Variants in RAB3GAP1 observed in about 807,000 individuals in gnomAD.
RAB3GAP1 encodes RAB3 GTPase activating protein catalytic subunit 1.
RAB3GAP1 carries 86 observed loss-of-function variants against 130.7 expected under a neutral mutation model. The ratio of observed to expected loss-of-function variants is 0.66; its 90% confidence interval spans 0.55 to 0.79. RAB3GAP1 has a LOEUF of 0.79. Ranked by LOEUF, RAB3GAP1 falls within the 30% of genes least tolerant of loss-of-function variation. RAB3GAP1 has a pLI of 0.00. For missense variants in RAB3GAP1, 1,029 were observed against 1,169.4 expected (o/e 0.88, Z 1.75); for synonymous variants, 367 against 401.7 (o/e 0.91, Z 1.03).
Position 135,135,577 on chromosome 2 carries a change from G to T in RAB3GAP1, c.1568G>T (p.Cys523Phe). The T allele has an allele frequency of 6.2e-7, 1 of 1,601,064 alleles. No individual in the cohort carries two copies. The highest frequency in any genetic ancestry group is 8.5e-7 in the Non-Finnish European group (1 of 1,171,148). ...LHQKLQMLNC[C>F]IERKKARDEG... ...TCTTTTCTTAAGATGTTAAATTGTT[G>T]TATTGAAAGAAAGAAGGCACGTGAT... Residue 523 changes from cysteine to phenylalanine, a missense_variant, in exon 17 of 24, where the codon TGT (cysteine) becomes TTT (phenylalanine). Around this residue, in one of 3 missense-constraint regions of RAB3GAP1, gnomAD observed 373 missense variants for 493.6 expected, o/e 0.76. Transcript: ENST00000264158.
chr2:135,075,867 G>GA (rs1419674101), intron 3 of RAB3GAP1, among the ~76,000 whole-genome samples: 1 of 149,536 alleles, frequency 6.7e-6, no homozygotes, highest in African/African-American at 2.5e-5. Context: ...ATCTCCTTGT[G>GA]AATAGTCTTG....
intron 11 of RAB3GAP1, among the ~76,000 whole-genome samples, chr2:135,128,391 G>C (rs902327000): frequency 6.6e-6 from 1 of 152,126 alleles, no homozygotes; most frequent in Non-Finnish European, 1.5e-5. Context: ...AGGGTTATTG[G>C]GAGGATCAAA....
chr2:135,078,692 G>C (rs191610180), intron 3 of RAB3GAP1, among the ~76,000 whole-genome samples: 2,545 of 26,378 alleles, frequency 0.096, 201 homozygotes, highest in African/African-American at 0.31. Context: ...CCCCTCCCCT[G>C]CCCTCCCCTC....
intron 17 of RAB3GAP1, among the ~76,000 whole-genome samples, chr2:135,139,203 C>T (rs1035762864): frequency 6.6e-6 from 1 of 151,986 alleles, no homozygotes; most frequent in Non-Finnish European, 1.5e-5. Context: ...AACATATGTT[C>T]ATGTATTTAC....
chr2:135,111,530 G>T (rs924566137), intron 5 of RAB3GAP1, among the ~76,000 whole-genome samples: 2 of 152,172 alleles, frequency 1.3e-5, no homozygotes, highest in Non-Finnish European at 2.9e-5. Flanking sequence ...AAGAACACAA[G>T]AATTCTTTAA....
chr2:135,168,591 C>T lies in RAB3GAP1; in HGVS notation c.2756C>T (p.Ser919Phe), dbSNP rs1394663112. ...GAGGAGGAATTGAAGAGAATGGGCT[C>T]CCCAGAGGAAAGAAGGCAGAACTCC... ...PPEEELKRMGSPEERRQNSVS... is the reference protein window; with the variant it reads ...PPEEELKRMGFPEERRQNSVS... Residue 919 changes from serine (S) to phenylalanine (F), a missense_variant, in exon 24 of 24, where the codon TCC (serine) becomes TTC (phenylalanine). By Grantham distance (155) the Ser-to-Phe change is radical. This residue lies in a region of RAB3GAP1 where 146 missense variants were observed against 143.7 expected (regional missense o/e 1.02). Coordinates refer to ENST00000264158, the MANE Select transcript of RAB3GAP1 (RefSeq NM_012233.3). 1.9e-6 allele frequency: 3 copies of T among 1,614,028 alleles called. No homozygotes were observed. The highest frequency in any genetic ancestry group is 1.3e-5 in the African/African-American group (1 of 74,902).
rs1692513938 is a variant in RAB3GAP1, at chr2:135,163,036, GT to G, written c.2542del (p.Ser848HisfsTer2). On this transcript the variant is annotated frameshift_variant, in exon 22 of 24. Coordinates refer to ENST00000264158, the MANE Select transcript of RAB3GAP1 (RefSeq NM_012233.3). LOFTEE classifies it high-confidence loss of function. ...NVEALIARAR[S>X]LKAKFGTEKC... Reference sequence around the variant, plus strand: ...TGGAAGCTCTCATTGCCAGAGCTCGGTCACTAAAAGCCAAGTTTGGAACTGA... The same window carrying G: ...TGGAAGCTCTCATTGCCAGAGCTCGGCACTAAAAGCCAAGTTTGGAACTGA... 1 of 1,614,084 alleles carries G rather than the reference GT, an allele frequency of 6.2e-7. No homozygotes were observed. Among genetic ancestry groups the G allele is most frequent in the Non-Finnish European group, 8.5e-7 (1 of 1,179,960 alleles).
chr2:135,140,450 A>T (rs1349484406), intron 17 of RAB3GAP1, among the ~76,000 whole-genome samples: 1 of 152,316 alleles, frequency 6.6e-6, no homozygotes, highest in South Asian at 2.1e-4. Context: ...TTCTAGGAAG[A>T]CTCATAAGAC....
chr2:135,126,448 G>A, intron 10 of RAB3GAP1, 135 bp from the exon 11 acceptor site: 1 of 965,284 alleles, frequency 1.0e-6, no homozygotes, highest in Non-Finnish European at 1.6e-6. Flanking sequence ...CCATGTATCT[G>A]GATAAGAGTA....
intron 3 of RAB3GAP1, among the ~76,000 whole-genome samples, chr2:135,074,501 G>C (rs899514936): frequency 6.6e-6 from 1 of 152,210 alleles, no homozygotes; most frequent in Admixed American, 6.5e-5. Flanking sequence ...ACTCTTACCC[G>C]ATTGGGTGGC....
intron 17 of RAB3GAP1, among the ~76,000 whole-genome samples, chr2:135,143,550 A>G (rs187871747): frequency 3.5e-4 from 51 of 147,198 alleles, no homozygotes; most frequent in African/African-American, 1.2e-3. Context: ...CTTCTGTAAC[A>G]TGCTACTTTT....
At chr2:135,101,321 A>G (rs1332152520) in intron 5 of RAB3GAP1, among the ~76,000 whole-genome samples, 1 of 152,216 alleles carries the variant, frequency 6.6e-6, no homozygotes, top group Non-Finnish European at 1.5e-5. Flanking sequence ...CTAAACATTT[A>G]TTTAAATTTG....
chr2:135,126,911 G>A (rs1165883867), intron 11 of RAB3GAP1, among the ~76,000 whole-genome samples: 1 of 151,870 alleles, frequency 6.6e-6, no homozygotes, highest in Non-Finnish European at 1.5e-5. Flanking sequence ...TTGAGACGGA[G>A]TCTCTGTCAG....
intron 9 of RAB3GAP1, among the ~76,000 whole-genome samples, chr2:135,125,854 T>C (rs1377674535): frequency 6.6e-6 from 1 of 152,342 alleles, no homozygotes; most frequent in East Asian, 1.9e-4. Flanking sequence ...AAAGTGAAGC[T>C]GTGGATAAGG....
rs535359018 is a variant in RAB3GAP1 at position 135,163,997 on chromosome 2, A to G, written c.2607-597A>G. On this transcript the variant is annotated intron_variant, in intron 22 of 23. Transcript: ENST00000264158. ...AAGGGACTCGTTTCTAAAATAGTAG[A>G]GTATGAATTAGTGAGCAGGTGGTGC... Among the ~76,000 whole-genome samples the G allele has an allele frequency of 1.1e-3, 162 of 152,324 alleles. 1 individual carries two copies. The highest frequency in any genetic ancestry group is 1.6e-3 in the Non-Finnish European group (112 of 68,020).
intron 5 of RAB3GAP1, among the ~76,000 whole-genome samples, chr2:135,111,221 G>A (rs1690793523): frequency 6.6e-6 from 1 of 151,928 alleles, no homozygotes; most frequent in Non-Finnish European, 1.5e-5. Context: ...TAAAAATAAG[G>A]ATTAATAATT....
At chr2:135,102,418 A>G (rs1456757255) in intron 5 of RAB3GAP1, among the ~76,000 whole-genome samples, 10 of 152,198 alleles carry the variant, frequency 6.6e-5, no homozygotes, top group Admixed American at 6.5e-4. Flanking sequence ...AAGATGATCA[A>G]TCTGTGTTTT....
At chr2:135,162,906 A>T (rs1692508689) in intron 21 of RAB3GAP1, 55 bp downstream of exon 21, 2 of 1,580,562 alleles carry the variant, frequency 1.3e-6, no homozygotes, top group Admixed American at 1.7e-5. Flanking sequence ...GTTGGCAAAA[A>T]TAATTTTTAA....
intron 17 of RAB3GAP1, among the ~76,000 whole-genome samples, chr2:135,148,210 G>C (rs2104973821): frequency 6.6e-6 from 1 of 152,164 alleles, no homozygotes; most frequent in Admixed American, 6.5e-5. Flanking sequence ...ATATGAAATG[G>C]TTGGAATTCA....
Sources: allele counts gnomAD v4.1 joint callset (sites outside exome capture counted in the v4.1 genomes callset), GRCh38; gene constraint gnomAD v4.1.1; regional missense constraint gnomAD v4.1.1; transcripts MANE v1.5; gene names NCBI Gene and HGNC (gene_info 2026-07-23, HGNC 2026-07-21).